The following NAT10 variants were observed in gnomAD, a reference collection of about 807,000 sequenced individuals.
NAT10 encodes the protein N-acetyltransferase 10.
Under a neutral mutation model 132.2 loss-of-function variants are expected in NAT10, and 109 were observed. The ratio of observed to expected loss-of-function variants is 0.82; its 90% CI spans 0.71 to 0.97. The LOEUF is 0.97. NAT10 is among the 50% of genes least tolerant of loss of function. The probability of loss-of-function intolerance (pLI) is 0.00; values close to 1 mark genes in which losing one functional copy is unlikely to be tolerated. For missense variants in NAT10, 1,184 were observed against 1,263.4 expected (o/e 0.94, Z 0.95); for synonymous variants, 479 against 478.0 (o/e 1.00, Z -0.03).
intron 8 of NAT10, among the ~76,000 whole-genome samples, chr11:34,120,143 G>GTTTTT (rs771235436): frequency 4.1e-4 from 39 of 94,112 alleles, no homozygotes; most frequent in Admixed American, 5.5e-4. Context: ...GTTGCTGTTG[G>GTTTTT]TTTTTTTTTT....
chr11:34,116,145 T>G (rs1851779016), intron 6 of NAT10, among the ~76,000 whole-genome samples: 1 of 152,218 alleles, frequency 6.6e-6, no homozygotes, highest in South Asian at 2.1e-4. Flanking sequence ...TCTCTGGTTC[T>G]TAGCTTACTC....
chr11:34,122,647 T>A, intron 9 of NAT10, 55 bp downstream of exon 9: 1 of 1,600,160 alleles, frequency 6.2e-7, no homozygotes, highest in Non-Finnish European at 8.5e-7. Flanking sequence ...GGGGGTAGTG[T>A]GCAGGGTTGG....
At chr11:34,144,664 C>T (rs1852402275) in intron 28 of NAT10, among the ~76,000 whole-genome samples, 1 of 152,208 alleles carries the variant, frequency 6.6e-6, no homozygotes, top group African/African-American at 2.4e-5. Context: ...TGAAAATCTT[C>T]ACTCCAAGCT....
chr11:34,113,069 T>C (rs1208774825), intron 4 of NAT10, among the ~76,000 whole-genome samples: 1 of 152,250 alleles, frequency 6.6e-6, no homozygotes, highest in Non-Finnish European at 1.5e-5. Context: ...TTTTCACCTT[T>C]ACTCAGGGAA....
chr11:34,127,710 T>C, intron 12 of NAT10, 111 bp downstream of exon 12: 1 of 1,363,122 alleles, frequency 7.3e-7, no homozygotes, highest in Non-Finnish European at 1.0e-6. Flanking sequence ...TCTCAGAGTC[T>C]CTGAGTGTTT....
intron 6 of NAT10, among the ~76,000 whole-genome samples, chr11:34,117,517 A>G (rs2134159897): frequency 6.6e-6 from 1 of 152,126 alleles, no homozygotes; most frequent in South Asian, 2.1e-4. Context: ...GCCTTGATGA[A>G]CCCTGGGGGC....
At chr11:34,130,087 C>T (rs560435871) in intron 12 of NAT10, among the ~76,000 whole-genome samples, 3 of 152,078 alleles carry the variant, frequency 2.0e-5, no homozygotes, top group African/African-American at 4.8e-5. Flanking sequence ...AAGTATTTTA[C>T]AGTCTTTGAA....
intron 4 of NAT10, 35 bp downstream of exon 4, chr11:34,112,258 G>A (rs1339802736): frequency 6.2e-7 from 1 of 1,613,280 alleles, no homozygotes; most frequent in Admixed American, 1.7e-5. Flanking sequence ...ATTGAAGTCA[G>A]AGTCTTGAGG....
intron 24 of NAT10, 87 bp from the exon 25 acceptor site, chr11:34,141,002 G>A (rs79872650): frequency 0.018 from 27,705 of 1,576,442 alleles, 295 homozygotes; most frequent in Non-Finnish European, 0.021. Flanking sequence ...AATAGCTTTG[G>A]TCAAGAGAGT....
At chr11:34,109,941 G>C (rs1851664612) in intron 3 of NAT10, among the ~76,000 whole-genome samples, 1 of 152,120 alleles carries the variant, frequency 6.6e-6, no homozygotes, top group African/African-American at 2.4e-5. Context: ...CCAAAATTCT[G>C]GTGGAAAAAT....
chr11:34,139,548 A>T, intron 23 of NAT10, 53 bp downstream of exon 23: 1 of 1,504,104 alleles, frequency 6.6e-7, no homozygotes, highest in South Asian at 1.1e-5. Context: ...GCTGTGTGGG[A>T]GGTGGGTGTG....
chr11:34,138,319 C>T (rs1441535852), intron 21 of NAT10, among the ~76,000 whole-genome samples: 1 of 152,124 alleles, frequency 6.6e-6, no homozygotes, highest in Non-Finnish European at 1.5e-5. Flanking sequence ...AAGACATTGT[C>T]TTCTGAGTGC....
At position 34,122,645 on chromosome 11, in the gene NAT10, T is replaced by G. The variant is rs1336371595; in HGVS notation, c.914+53T>G. On this transcript the variant is annotated intron_variant, in intron 9 of 28. Coordinates refer to ENST00000257829, the MANE Select transcript of NAT10 (RefSeq NM_024662.3). ...GGAACTCTGGGCTCTGTGGGGGTAG[T>G]GTGCAGGGTTGGGGTCAGAGGACTG... is the stretch of plus-strand genomic sequence containing the variant. 5.6e-6 allele frequency: 9 copies of G among 1,599,626 alleles called. No individual in the cohort carries two copies. The Admixed American group carries it at 1.0e-4, about 19-fold the overall frequency.
In NAT10 at chr11:34,143,962, C is replaced by T. The variant is rs79377460; in HGVS notation, c.2969+434C>T. 1.5e-3 allele frequency among the ~76,000 whole-genome samples: 222 copies of T among 152,294 alleles called. 1 individual carries two copies. Among genetic ancestry groups the T allele is most frequent in the Non-Finnish European group, 2.1e-3 (146 of 68,028 alleles). ...CAAGAAGCACACAGCTAGTGAGAGC[C>T]GGAGCCAGAATCAAGTCCAGGTTTC... On this transcript the variant is annotated intron_variant, in intron 28 of 28. Coordinates refer to ENST00000257829, the MANE Select transcript of NAT10 (RefSeq NM_024662.3).
intron 16 of NAT10, among the ~76,000 whole-genome samples, chr11:34,134,113 G>A (rs1243162132): frequency 5.9e-5 from 9 of 152,104 alleles, no homozygotes; most frequent in Non-Finnish European, 1.3e-4. Flanking sequence ...GCAGTGAGCC[G>A]AGATAGCACC....
chr11:34,111,577 C>G (rs541319702), intron 3 of NAT10, among the ~76,000 whole-genome samples: 1 of 152,046 alleles, frequency 6.6e-6, no homozygotes, highest in Non-Finnish European at 1.5e-5. Context: ...AAGACCTGCC[C>G]TTGAAGACAT....
intron 20 of NAT10, 28 bp from the exon 21 acceptor site, chr11:34,136,950 G>C (rs1194133889): frequency 4.3e-6 from 7 of 1,614,150 alleles, no homozygotes; most frequent in Non-Finnish European, 4.2e-6. Context: ...GCCACACACA[G>C]TGACCTACTG....
chr11:34,139,182 G>A lies in NAT10; in HGVS notation c.2212-9G>A, dbSNP rs200134175. On this transcript the variant is annotated splice_polypyrimidine_tract_variant and intron_variant, in intron 21 of 28. Transcript: ENST00000257829. ...TTCTTGGTGCCAGTTAAACCTCTGT[G>A]TTGCCCAGAATGACCTGACCGGAGA... 3 of 1,612,906 alleles carry A rather than the reference G, an allele frequency of 1.9e-6. No individual in the cohort carries two copies. The highest frequency in any genetic ancestry group is 2.5e-6 in the Non-Finnish European group (3 of 1,178,988).
rs1426582322 is a variant in NAT10 at position 34,129,584 on chromosome 11, TTTC to T, written c.1245-1214_1245-1212del. Among the ~76,000 whole-genome samples, 865 of 146,782 alleles carry T rather than the reference TTTC, an allele frequency of 5.9e-3. 20 individuals are homozygous for T. Among genetic ancestry groups the T allele is most frequent in the African/African-American group, 0.021 (812 of 38,904 alleles). ...TCTCACATTCTATGGGTTTTTTCAC[TTTC>T]TTCTTCTTCTTCTTTTTTTTTTTTT... On this transcript the variant is annotated intron_variant, in intron 12 of 28. Transcript: ENST00000257829.
Sources: allele counts gnomAD v4.1 joint callset (sites outside exome capture counted in the v4.1 genomes callset), GRCh38; gene constraint gnomAD v4.1.1; transcripts MANE v1.5; gene names NCBI Gene and HGNC (gene_info 2026-07-23, HGNC 2026-07-21).